The following CFAP210 variants were observed in gnomAD, a reference collection of about 807,000 sequenced individuals.
The protein encoded by CFAP210 is cilia- and flagella- associated protein 210.
chr2:169,660,992 C>T, the CFAP210 span: 1 of 484,384 alleles, frequency 2.1e-6, no homozygotes, highest in Non-Finnish European at 4.1e-6. Flanking sequence ...ATCCTGAGTT[C>T]ATCAAACCAG....
At chr2:169,650,346 C>T in the CFAP210 span, 2 of 1,593,244 alleles carry the variant, frequency 1.3e-6, no homozygotes, top group Non-Finnish European at 1.7e-6. Flanking sequence ...GCTCGATATT[C>T]TGCAATTGTT....
the CFAP210 span, among the ~76,000 whole-genome samples, chr2:169,671,783 A>G: frequency 6.6e-6 from 1 of 152,234 alleles, no homozygotes. Flanking sequence ...GAACTTCTTA[A>G]GAAGACTACA....
the CFAP210 span, among the ~76,000 whole-genome samples, chr2:169,679,675 C>A: frequency 1.1e-5 from 1 of 91,112 alleles, no homozygotes. Flanking sequence ...AACGAGACTC[C>A]ATCTCAAAAA....
the CFAP210 span, among the ~76,000 whole-genome samples, chr2:169,669,742 T>A: frequency 6.8e-6 from 1 of 146,448 alleles, no homozygotes; most frequent in African/African-American, 2.6e-5. Context: ...ACCACTGCAC[T>A]CCAGTCTGGG....
At chr2:169,682,076 T>C in the CFAP210 span, among the ~76,000 whole-genome samples, 3 of 152,310 alleles carry the variant, frequency 2.0e-5, no homozygotes, top group Non-Finnish European at 4.4e-5. Context: ...TTGAAGATGA[T>C]TGAGTTGGGT....
chr2:169,692,208 C>A, the CFAP210 span, among the ~76,000 whole-genome samples: 2 of 152,138 alleles, frequency 1.3e-5, no homozygotes, highest in African/African-American at 2.4e-5. Flanking sequence ...TTAAGATTTT[C>A]GGTCAGCTTG....
chr2:169,646,428 G>A, the CFAP210 span, among the ~76,000 whole-genome samples: 8 of 152,070 alleles, frequency 5.3e-5, no homozygotes, highest in African/African-American at 1.7e-4. Context: ...GTGAAATAGC[G>A]AAAATTATGA....
the CFAP210 span, among the ~76,000 whole-genome samples, chr2:169,652,899 C>T: frequency 5.0e-5 from 7 of 139,674 alleles, no homozygotes; most frequent in African/African-American, 1.9e-4. Context: ...ACTTGGGAGG[C>T]TGAGGCAGGA....
At chr2:169,665,641 A>T in the CFAP210 span, among the ~76,000 whole-genome samples, 1 of 152,234 alleles carries the variant, frequency 6.6e-6, no homozygotes, top group East Asian at 1.9e-4. Flanking sequence ...GGCAGCCTAC[A>T]ACAGAGAGGC....
the CFAP210 span, chr2:169,674,894 G>A: frequency 6.6e-7 from 1 of 1,520,626 alleles, no homozygotes; most frequent in East Asian, 2.5e-5. Context: ...TTTCTGTCTG[G>A]TAAAATTGAT....
the CFAP210 span, chr2:169,674,603 A>G: frequency 1.9e-6 from 3 of 1,605,758 alleles, no homozygotes; most frequent in Non-Finnish European, 2.5e-6. Context: ...GGCAAGAGCC[A>G]CCCTTTCTCT....
the CFAP210 span, among the ~76,000 whole-genome samples, chr2:169,690,834 C>T: frequency 6.6e-6 from 1 of 151,948 alleles, no homozygotes; most frequent in African/African-American, 2.4e-5. Flanking sequence ...TTTTCTCTGT[C>T]TTTAGCTTTC....
the CFAP210 span, among the ~76,000 whole-genome samples, chr2:169,690,468 G>A: frequency 1.3e-5 from 2 of 151,926 alleles, no homozygotes; most frequent in Non-Finnish European, 1.5e-5. Context: ...TTTGAGACAC[G>A]CCTGGCCAAC....
At chr2:169,653,934 C>A in the CFAP210 span, 67 of 859,238 alleles carry the variant, frequency 7.8e-5, no homozygotes, top group African/African-American at 1.1e-3. Flanking sequence ...CTCACACCCA[C>A]GTCCCAAACT....
the CFAP210 span, chr2:169,658,106 G>A: frequency 6.6e-6 from 1 of 152,048 alleles, no homozygotes; most frequent in Non-Finnish European, 1.5e-5. Context: ...ATAAGCTTCA[G>A]GAAATCAGAG....
the CFAP210 span, among the ~76,000 whole-genome samples, chr2:169,667,302 C>T: frequency 2.6e-5 from 4 of 151,938 alleles, no homozygotes; most frequent in East Asian, 3.9e-4. Flanking sequence ...CCATGCCTGG[C>T]TAATTTTTGT....
chr2:169,654,488 T>C, the CFAP210 span, among the ~76,000 whole-genome samples: 1 of 152,140 alleles, frequency 6.6e-6, no homozygotes, highest in Non-Finnish European at 1.5e-5. Context: ...AAATAAATCA[T>C]ACTCTCAATT....
At chr2:169,655,104 G>A in the CFAP210 span, among the ~76,000 whole-genome samples, 1 of 152,158 alleles carries the variant, frequency 6.6e-6, no homozygotes, top group Admixed American at 6.5e-5. Flanking sequence ...CATAAAAACA[G>A]ATGCCATTGA....
At chr2:169,669,806 C>T in the CFAP210 span, among the ~76,000 whole-genome samples, 1 of 147,766 alleles carries the variant, frequency 6.8e-6, no homozygotes, top group Non-Finnish European at 1.5e-5. Context: ...CCGCTGGAAA[C>T]GCTGGAAATC....
Sources: allele counts gnomAD v4.1 joint callset (sites outside exome capture counted in the v4.1 genomes callset), GRCh38; gene constraint gnomAD v4.1.1; transcripts MANE v1.5; gene names NCBI Gene and HGNC (gene_info 2026-07-23, HGNC 2026-07-21).